LRMDA: variants seen among roughly 807,000 people sequenced by gnomAD.
LRMDA encodes the protein leucine rich melanocyte differentiation associated.
Under a neutral mutation model 29.8 loss-of-function variants are expected in LRMDA, and 18 were observed. The observed-to-expected ratio is 0.60, with a 90% CI of 0.42 to 0.90. The LOEUF is 0.90. Among genes scored for constraint, LRMDA ranks in the 40% least tolerant of loss-of-function variants. LRMDA has a pLI of 0.00. For missense variants in LRMDA, 273 were observed against 273.9 expected, an observed-to-expected ratio of 1.00 and a Z score of 0.02; for synonymous variants, 125 against 109.4, an observed-to-expected ratio of 1.14 and a Z score of -0.89.
At chr10:76,361,268 AAAG>A (rs1156536784) in intron 6 of LRMDA, among the ~76,000 whole-genome samples, 1 of 152,034 alleles carries the variant, frequency 6.6e-6, no homozygotes, top group African/African-American at 2.4e-5. Flanking sequence ...CAAAAAAAAA[AAAG>A]AAAAGAAAAA....
intron 2 of LRMDA, among the ~76,000 whole-genome samples, chr10:75,467,401 T>C (rs1199605330): frequency 6.6e-6 from 1 of 152,238 alleles, no homozygotes; most frequent in Non-Finnish European, 1.5e-5. Flanking sequence ...ACACTGAGTG[T>C]CTAAGTTGTG....
intron 2 of LRMDA, among the ~76,000 whole-genome samples, chr10:75,581,932 T>G (rs900793699): frequency 9.2e-5 from 14 of 152,128 alleles, no homozygotes; most frequent in African/African-American, 3.4e-4. Context: ...TTTATATATA[T>G]TAAAAAATAT....
At chr10:76,472,982 C>G (rs1396615111) in intron 6 of LRMDA, among the ~76,000 whole-genome samples, 1 of 151,586 alleles carries the variant, frequency 6.6e-6, no homozygotes. Flanking sequence ...TTCACAAAGT[C>G]TTCCCAAAAT....
chr10:76,543,268 A>G (rs965316239), intron 6 of LRMDA, among the ~76,000 whole-genome samples: 1 of 151,124 alleles, frequency 6.6e-6, no homozygotes. Context: ...AAAACCCTGC[A>G]TGAGATTGCC....
chr10:75,559,358 T>G (rs1334397411), intron 2 of LRMDA, among the ~76,000 whole-genome samples: 6 of 150,844 alleles, frequency 4.0e-5, no homozygotes, highest in Non-Finnish European at 5.9e-5. Context: ...TCATGTCCTT[T>G]GCCCACTTTT....
chr10:76,215,206 C>T (rs966014245), intron 5 of LRMDA, among the ~76,000 whole-genome samples: 24 of 152,248 alleles, frequency 1.6e-4, no homozygotes, highest in African/African-American at 5.1e-4. Context: ...TGAGCATGGA[C>T]GAGAGTGTTC....
chr10:75,891,871 A>T (rs1845497904), intron 2 of LRMDA, among the ~76,000 whole-genome samples: 1 of 152,214 alleles, frequency 6.6e-6, no homozygotes, highest in South Asian at 2.1e-4. Context: ...GGTTCTGGAC[A>T]TATTAAACTG....
At chr10:75,937,662 G>T (rs1846320720) in intron 2 of LRMDA, among the ~76,000 whole-genome samples, 1 of 152,138 alleles carries the variant, frequency 6.6e-6, no homozygotes, top group Non-Finnish European at 1.5e-5. Context: ...AGTGGGATCT[G>T]GTATTTGAGA....
At chr10:76,150,868 G>T (rs1207188119) in intron 5 of LRMDA, among the ~76,000 whole-genome samples, 1 of 152,206 alleles carries the variant, frequency 6.6e-6, no homozygotes, top group Non-Finnish European at 1.5e-5. Flanking sequence ...AGCGCCAAAT[G>T]CTGCATCCAC....
chr10:76,433,550 C>A (rs1227582073), intron 6 of LRMDA, among the ~76,000 whole-genome samples: 1 of 152,124 alleles, frequency 6.6e-6, no homozygotes, highest in Non-Finnish European at 1.5e-5. Flanking sequence ...AGTATTGATG[C>A]CTGTCACTTT....
chr10:76,530,047 C>A (rs544752708), intron 6 of LRMDA, among the ~76,000 whole-genome samples: 2 of 152,218 alleles, frequency 1.3e-5, no homozygotes, highest in South Asian at 4.1e-4. Flanking sequence ...TTTGAACTTT[C>A]CTCTTAGCCC....
At chr10:76,148,303 GCAGGCC>G (rs1850369213) in intron 5 of LRMDA, among the ~76,000 whole-genome samples, 1 of 152,208 alleles carries the variant, frequency 6.6e-6, no homozygotes, top group East Asian at 1.9e-4. Flanking sequence ...ACAGAGGCAG[GCAGGCC>G]TCCTTGAGCT....
intron 5 of LRMDA, among the ~76,000 whole-genome samples, chr10:76,177,143 C>CA (rs1226788919): frequency 6.6e-6 from 1 of 152,208 alleles, no homozygotes; most frequent in Non-Finnish European, 1.5e-5. Flanking sequence ...CACAGCCATG[C>CA]AGTGTCGCCA....
intron 2 of LRMDA, among the ~76,000 whole-genome samples, chr10:75,472,890 C>T (rs113671803): frequency 2.0e-5 from 3 of 152,152 alleles, no homozygotes; most frequent in African/African-American, 4.8e-5. Context: ...GGAGGGTGGG[C>T]GTGGCCAGAT....
intron 6 of LRMDA, among the ~76,000 whole-genome samples, chr10:76,346,976 A>T (rs888765630): frequency 6.6e-6 from 1 of 152,192 alleles, no homozygotes; most frequent in Non-Finnish European, 1.5e-5. Context: ...ATGTTTTGGA[A>T]TCCCTTTATG....
intron 6 of LRMDA, among the ~76,000 whole-genome samples, chr10:76,443,118 C>G (rs79350713): frequency 0.013 from 1,927 of 152,252 alleles, 47 homozygotes; most frequent in African/African-American, 0.043. Context: ...GTTTCTTCAC[C>G]TGTACCTCCT....
At position 76,557,951 on chromosome 10, in the gene LRMDA, A is replaced by G. The variant is rs1047241747; in HGVS notation, c.*663A>G. On this transcript the variant is annotated 3_prime_UTR_variant, in exon 7 of 7. Transcript: ENST00000611255. ...AGGTCATACATTTATGGCTGGCTTC[A>G]TGTTGCTACAATCCCTTTATTGGCG... 5.3e-5 allele frequency: 8 copies of G among 152,236 alleles called. No individual in the cohort carries two copies. The highest frequency in any genetic ancestry group is 1.7e-4 in the African/African-American group (7 of 41,402). 9.4% of individuals were successfully genotyped at this position (152,236 alleles called of 1,614,324 possible). A position where few individuals can be genotyped will look rare whatever the true frequency, so the allele number is the denominator to read the frequency against.
intron 2 of LRMDA, among the ~76,000 whole-genome samples, chr10:75,848,508 A>G (rs1234101917): frequency 6.6e-6 from 1 of 152,174 alleles, no homozygotes; most frequent in East Asian, 1.9e-4. Flanking sequence ...CCTCTGTGCT[A>G]TGCTGAGTCC....
At chr10:75,750,483 CGG>C (rs1842947073) in intron 2 of LRMDA, among the ~76,000 whole-genome samples, 1 of 45,438 alleles carries the variant, frequency 2.2e-5, no homozygotes, top group African/African-American at 1.1e-4. Context: ...CCAGACGGGG[CGG>C]GGGGTGGGGG....
Sources: allele counts gnomAD v4.1 joint callset (sites outside exome capture counted in the v4.1 genomes callset), GRCh38; gene constraint gnomAD v4.1.1; transcripts MANE v1.5; gene names NCBI Gene and HGNC (gene_info 2026-07-23, HGNC 2026-07-21).